Variants in PCM1 observed in about 807,000 individuals in gnomAD.
PCM1 encodes the protein pericentriolar material 1 protein.
Under a neutral mutation model 241.9 loss-of-function variants are expected in PCM1, and 157 were observed. The ratio of observed to expected loss-of-function variants is 0.65; its 90% CI spans 0.57 to 0.74. The LOEUF is 0.74. PCM1 is among the 30% of genes least tolerant of loss of function. The probability of loss-of-function intolerance (pLI) is 0.00; values close to 1 mark genes in which losing one functional copy is unlikely to be tolerated. For synonymous variants in PCM1, 1,085 were observed against 784.9 expected, an observed-to-expected ratio of 1.38 and a Z score of -6.39; for missense variants, 3,478 against 2,360.1, an observed-to-expected ratio of 1.47 and a Z score of -9.81.
At chr8:17,930,199 G>A (rs2058552965) in intron 2 of PCM1, among the ~76,000 whole-genome samples, 1 of 150,452 alleles carries the variant, frequency 6.6e-6, no homozygotes, top group Admixed American at 6.6e-5. Context: ...CGCCTCCTGG[G>A]TTCACACCAT....
chr8:17,996,050 A>T (rs550408448), intron 29 of PCM1, among the ~76,000 whole-genome samples: 5 of 152,100 alleles, frequency 3.3e-5, no homozygotes, highest in Non-Finnish European at 7.4e-5. Context: ...TGATTACTCT[A>T]GCTAGGACTT....
chr8:17,997,871 CAAA>C (rs547331477), intron 29 of PCM1, among the ~76,000 whole-genome samples: 5 of 116,030 alleles, frequency 4.3e-5, no homozygotes, highest in Admixed American at 8.8e-5. Context: ...CTACAACATA[CAAA>C]AAAAAAAAAA....
At chr8:17,957,126 G>C (rs181973293) in intron 11 of PCM1, 138 bp from the exon 12 acceptor site, 40 of 645,842 alleles carry the variant, frequency 6.2e-5, no homozygotes, top group South Asian at 3.4e-4. Context: ...AGCAGGAGTC[G>C]ATTATTCAAT....
intron 31 of PCM1, among the ~76,000 whole-genome samples, chr8:18,010,195 C>G (rs1434184849): frequency 2.0e-5 from 3 of 152,148 alleles, no homozygotes; most frequent in South Asian, 4.1e-4. Context: ...TCTGCCTTGT[C>G]AAATTAATTT....
At chr8:18,010,319 C>G (rs766059564) in intron 31 of PCM1, among the ~76,000 whole-genome samples, 1 of 152,130 alleles carries the variant, frequency 6.6e-6, no homozygotes, top group Non-Finnish European at 1.5e-5. Flanking sequence ...GGAAACAAGC[C>G]AAGACCCAAA....
intron 21 of PCM1, 56 bp from the exon 22 acceptor site, chr8:17,969,521 T>TAA: frequency 1.6e-6 from 2 of 1,278,600 alleles, no homozygotes; most frequent in Non-Finnish European, 2.2e-6. Flanking sequence ...TTAATTTCAT[T>TAA]TTAAAGCTAA....
intron 24 of PCM1, 26 bp downstream of exon 24, chr8:17,980,781 A>C (rs552409401): frequency 2.5e-4 from 392 of 1,550,730 alleles, no homozygotes; most frequent in Non-Finnish European, 2.9e-4. Context: ...GTTTGCATTA[A>C]TATAAGGAGG....
At chr8:18,026,530 A>G (rs903254653) in intron 38 of PCM1, among the ~76,000 whole-genome samples, 5 of 151,818 alleles carry the variant, frequency 3.3e-5, no homozygotes, top group Middle Eastern at 3.4e-3. Context: ...AAGTGCTGAG[A>G]TTACAGGCGT....
intron 19 of PCM1, 21 bp from the exon 20 acceptor site, chr8:17,966,307 A>T: frequency 6.2e-7 from 1 of 1,612,498 alleles, no homozygotes; most frequent in Non-Finnish European, 8.5e-7. Context: ...GTAACTATTA[A>T]CAAACATTTT....
intron 1 of PCM1, among the ~76,000 whole-genome samples, chr8:17,923,480 G>C (rs118013631): frequency 6.6e-6 from 1 of 152,338 alleles, no homozygotes; most frequent in South Asian, 2.1e-4. Flanking sequence ...CGGGGAGGCT[G>C]TTCTGCGTCC....
At chr8:17,944,144 A>G (rs907626193) in intron 6 of PCM1, among the ~76,000 whole-genome samples, 3 of 152,130 alleles carry the variant, frequency 2.0e-5, no homozygotes, top group Admixed American at 2.0e-4. Context: ...GTGTTTTGCC[A>G]TTATTTTCAT....
At chr8:17,931,534 G>C (rs185166481) in intron 2 of PCM1, among the ~76,000 whole-genome samples, 2 of 152,004 alleles carry the variant, frequency 1.3e-5, no homozygotes, top group African/African-American at 4.8e-5. Context: ...TGGTAACGCC[G>C]ACCTTGGCCC....
In PCM1 at chr8:18,029,118, A is replaced by G. The variant is rs1350212688; in HGVS notation, c.*1456A>G. ...GGTTGCAGTGAGCCGAGATCATGCCACTGCACTCCAGCCTGGCAACAGAGC... is the reference window on the plus strand; with the variant it reads ...GGTTGCAGTGAGCCGAGATCATGCCGCTGCACTCCAGCCTGGCAACAGAGC... On this transcript the variant is annotated 3_prime_UTR_variant, in exon 39 of 39. Coordinates refer to ENST00000325083, the MANE Select transcript of PCM1 (RefSeq NM_006197.4). 6.3e-6 allele frequency: 1 copy of G among 158,322 alleles called. No homozygotes were observed. The highest frequency in any genetic ancestry group is 1.3e-5 in the Non-Finnish European group (1 of 78,390). 9.8% of individuals were successfully genotyped at this position (158,322 alleles called of 1,614,324 possible).
intron 2 of PCM1, among the ~76,000 whole-genome samples, chr8:17,935,277 C>A (rs576158811): frequency 6.6e-6 from 1 of 152,186 alleles, no homozygotes; most frequent in Admixed American, 6.5e-5. Context: ...TGACACTTTT[C>A]CTACTTTATT....
chr8:17,940,157 C>A, intron 6 of PCM1: 4 of 1,480,284 alleles, frequency 2.7e-6, no homozygotes, highest in Non-Finnish European at 3.7e-6. Flanking sequence ...TCAGATACCA[C>A]GGTAAGCGGC....
rs560995106 is a variant in PCM1, at chr8:18,009,802, C to G, written c.5160+58C>G. ...TTGACACATAAATACAGTTCTTGAT[C>G]ATTATTATTAACTGAAATCACATTT... On this transcript the variant is annotated intron_variant, in intron 31 of 38. Transcript: ENST00000325083. 290 of 1,061,126 alleles carry G rather than the reference C, an allele frequency of 2.7e-4. 3 individuals are homozygous for G. In the South Asian group the frequency reaches 8.3e-3, roughly 30 times the overall value. 65.7% of individuals were successfully genotyped at this position (1,061,126 alleles called of 1,614,324 possible).
intron 21 of PCM1, 183 bp from the exon 22 acceptor site, chr8:17,969,394 C>T (rs956234082): frequency 1.5e-5 from 8 of 521,426 alleles, no homozygotes; most frequent in African/African-American, 8.0e-5. Context: ...TTGACCAATG[C>T]CTAAAACATA....
chr8:17,964,721 T>C lies in PCM1; in HGVS notation c.2808T>C (p.Ser936=), dbSNP rs775277459. ...ATGATAACTTTTCTGTGTGTCCTTCTAACAGTGTGAATCATAACTCCTACA... is the reference window on the plus strand; with the variant it reads ...ATGATAACTTTTCTGTGTGTCCTTCCAACAGTGTGAATCATAACTCCTACA... The part of the protein sequence containing the change: ...SSNDNFSVCP[S]NSVNHNSYNG... Residue 936 remains serine (S), a synonymous_variant, in exon 18 of 39, where the codon TCT becomes TCC. Transcript: ENST00000325083. 6 of 1,613,772 alleles carry C rather than the reference T, an allele frequency of 3.7e-6. No individual in the cohort carries two copies. The Admixed American group carries it at 8.3e-5, about 22-fold the overall frequency.
At chr8:17,985,141 TC>T (rs1447375612) in intron 24 of PCM1, among the ~76,000 whole-genome samples, 1 of 151,886 alleles carries the variant, frequency 6.6e-6, no homozygotes, top group East Asian at 1.9e-4. Flanking sequence ...CACTGATTTT[TC>T]CTATAAAATG....
Sources: allele counts gnomAD v4.1 joint callset (sites outside exome capture counted in the v4.1 genomes callset), GRCh38; gene constraint gnomAD v4.1.1; transcripts MANE v1.5; gene names NCBI Gene and HGNC (gene_info 2026-07-23, HGNC 2026-07-21).